GNAT3: variants seen among roughly 807,000 people sequenced by gnomAD.
GNAT3 encodes the protein G protein subunit alpha transducin 3.
In GNAT3, 31 loss-of-function variants were observed where a neutral mutation model predicts 37.7. That is an observed-to-expected ratio of 0.82 (90% confidence interval 0.62 to 1.11). GNAT3 has a LOEUF of 1.11. Among genes scored for constraint, GNAT3 ranks in the 50% most tolerant of loss-of-function variants. The probability of loss-of-function intolerance (pLI) is 0.00; values close to 1 mark genes in which losing one functional copy is unlikely to be tolerated. For synonymous variants in GNAT3, 138 were observed against 139.8 expected, an observed-to-expected ratio of 0.99 and a Z score of 0.09; for missense variants, 437 against 412.5, an observed-to-expected ratio of 1.06 and a Z score of -0.51.
At chr7:80,461,915 A>G (rs1220714629) in intron 7 of GNAT3, among the ~76,000 whole-genome samples, 1 of 152,174 alleles carries the variant, frequency 6.6e-6, no homozygotes, top group African/African-American at 2.4e-5. Context: ...TAAAGTCTAT[A>G]GAGTAGCAAC....
At chr7:80,492,330 C>A (rs903434445) in intron 2 of GNAT3, among the ~76,000 whole-genome samples, 3 of 151,414 alleles carry the variant, frequency 2.0e-5, no homozygotes, top group African/African-American at 4.9e-5. Flanking sequence ...GGCGACAGAG[C>A]GAGACCCTTT....
intron 2 of GNAT3, among the ~76,000 whole-genome samples, chr7:80,492,368 T>A (rs1028525465): frequency 2.1e-5 from 3 of 143,436 alleles, no homozygotes; most frequent in Non-Finnish European, 4.4e-5. Context: ...AATAAATAAA[T>A]AAAATAAAAT....
At chr7:80,503,298 A>T (rs921397975) in intron 1 of GNAT3, among the ~76,000 whole-genome samples, 1 of 152,192 alleles carries the variant, frequency 6.6e-6, no homozygotes, top group African/African-American at 2.4e-5. Context: ...TTCCTGTGCC[A>T]TAATTCAATA....
intron 2 of GNAT3, among the ~76,000 whole-genome samples, chr7:80,492,193 A>AAG (rs1790606837): frequency 7.2e-6 from 1 of 139,760 alleles, no homozygotes. Flanking sequence ...AAAAAAAAAA[A>AAG]ATTAGCTGGG....
chr7:80,511,011 C>A (rs1381458593), intron 1 of GNAT3, among the ~76,000 whole-genome samples: 1 of 151,956 alleles, frequency 6.6e-6, no homozygotes, highest in Non-Finnish European at 1.5e-5. Context: ...TTATATAGGT[C>A]ATCATTTTTA....
chr7:80,498,406 G>A (rs936185139), intron 1 of GNAT3, among the ~76,000 whole-genome samples: 3 of 152,042 alleles, frequency 2.0e-5, no homozygotes, highest in African/African-American at 7.2e-5. Context: ...CTTTAAAAAG[G>A]TGTCTGTACC....
intron 2 of GNAT3, among the ~76,000 whole-genome samples, chr7:80,493,043 A>G (rs1475709189): frequency 6.6e-6 from 1 of 152,024 alleles, no homozygotes; most frequent in Non-Finnish European, 1.5e-5. Context: ...TATACTAGTC[A>G]CCAGTTATTT....
chr7:80,497,614 A>G (rs868357389), intron 1 of GNAT3, among the ~76,000 whole-genome samples: 3,523 of 97,586 alleles, frequency 0.036, 339 homozygotes, highest in Non-Finnish European at 0.054. Flanking sequence ...ATACGTATAT[A>G]CATATACGTA....
At chr7:80,507,444 T>A (rs1790968634) in intron 1 of GNAT3, among the ~76,000 whole-genome samples, 2 of 152,012 alleles carry the variant, frequency 1.3e-5, no homozygotes, top group African/African-American at 4.8e-5. Context: ...AAAGGAAGAA[T>A]AATGATACAC....
chr7:80,509,821 T>A (rs1438324784), intron 1 of GNAT3, among the ~76,000 whole-genome samples: 1 of 152,108 alleles, frequency 6.6e-6, no homozygotes, highest in Non-Finnish European at 1.5e-5. Context: ...TATATACTCT[T>A]TTTGAACATT....
At chr7:80,485,173 T>G (rs1053060460) in intron 3 of GNAT3, among the ~76,000 whole-genome samples, 5 of 151,254 alleles carry the variant, frequency 3.3e-5, no homozygotes, top group African/African-American at 1.2e-4. Context: ...ATTGTGTGTT[T>G]TTTTTTTTTA....
rs370372772 is a variant in GNAT3, at chr7:80,476,523, A to G, written c.462-2144T>C. 1.5e-3 allele frequency among the ~76,000 whole-genome samples: 226 copies of G among 150,568 alleles called. 7 individuals carry two copies. The South Asian group carries it at 0.047, about 31-fold the overall frequency. On this transcript the variant is annotated intron_variant, in intron 4 of 7. Coordinates refer to ENST00000398291, the MANE Select transcript of GNAT3 (RefSeq NM_001102386.3). ...CATACCCCTCTTCTTTCAATTTGCTAGAACTGATGAGGTTATGTTGCCAAC... is the reference window on the plus strand; with the variant it reads ...CATACCCCTCTTCTTTCAATTTGCTGGAACTGATGAGGTTATGTTGCCAAC...
rs1422975389 is a variant in GNAT3, at chr7:80,458,829, T to C, written c.907A>G (p.Ile303Val). 4.4e-6 allele frequency: 7 copies of C among 1,590,356 alleles called. No individual in the cohort carries two copies. Among genetic ancestry groups the C allele is most frequent in the Non-Finnish European group, 5.1e-6 (6 of 1,169,838 alleles). ...TTCAGGTCTAGAAACTGGTTCTTGA[T>C]GTAGTTTCCTGCATCTTCAAATGTA... The part of the protein sequence containing the change: ...PNTFEDAGNY[I>V]KNQFLDLNLK... The change falls in exon 8 of 8, where the codon ATC becomes GTC. Residue 303 changes from isoleucine to valine, a missense_variant. Ile to Val is a conservative substitution (Grantham distance 29). Coordinates refer to ENST00000398291, the MANE Select transcript of GNAT3 (RefSeq NM_001102386.3).
rs570030158 is a variant in GNAT3 at position 80,474,259 on chromosome 7, C to T, written c.582G>A (p.Leu194=). 6.2e-7 allele frequency: 1 copy of T among 1,603,882 alleles called. No homozygotes were observed. Among genetic ancestry groups the T allele is most frequent in the East Asian group, 2.2e-5 (1 of 44,586 alleles). The change falls in exon 5 of 8, where the codon TTG becomes TTA. Residue 194 remains leucine (L), a synonymous_variant. Transcript: ENST00000398291. ...IIETQFSFKD[L]HFRMFDVGGQ... ...AAGATATTTGATCATACCTGAAGTG[C>T]AAGTCTTTAAAGGAGAATTGAGTTT...
At chr7:80,487,193 C>T (rs751839313) in intron 3 of GNAT3, among the ~76,000 whole-genome samples, 1 of 151,938 alleles carries the variant, frequency 6.6e-6, no homozygotes, top group Non-Finnish European at 1.5e-5. Flanking sequence ...ATCCTACGTT[C>T]TTAGGAAAAG....
At chr7:80,474,418 AATACATAAATAC>A in intron 4 of GNAT3, 39 bp from the exon 5 acceptor site, 1 of 853,588 alleles carries the variant, frequency 1.2e-6, no homozygotes, top group Non-Finnish European at 1.8e-6. Context: ...GTGTATATAT[AATACATAAATAC>A]ATACATATAT....
intron 3 of GNAT3, among the ~76,000 whole-genome samples, chr7:80,482,931 C>A (rs944419507): frequency 3.3e-5 from 5 of 152,042 alleles, no homozygotes; most frequent in African/African-American, 1.2e-4. Flanking sequence ...GTTACAAAGT[C>A]TCCCTTGACC....
chr7:80,463,077 T>C (rs1234101352), intron 5 of GNAT3, among the ~76,000 whole-genome samples: 2 of 152,200 alleles, frequency 1.3e-5, no homozygotes, highest in Admixed American at 1.3e-4. Flanking sequence ...ATTGTTTGCA[T>C]TCTATGTACT....
chr7:80,499,910 T>C (rs889254870), intron 1 of GNAT3, among the ~76,000 whole-genome samples: 1 of 152,174 alleles, frequency 6.6e-6, no homozygotes, highest in Non-Finnish European at 1.5e-5. Context: ...ACCTAGAACA[T>C]ACACTAATAT....
Sources: gnomAD v4.1 joint callset for allele counts (sites outside exome capture counted in the v4.1 genomes callset) on GRCh38, gnomAD v4.1.1 for gene constraint, MANE v1.5 for transcripts, NCBI Gene and HGNC (gene_info 2026-07-23, HGNC 2026-07-21) for gene names.